The following FMN1 variants were observed in gnomAD, a reference collection of about 807,000 sequenced individuals.
FMN1 encodes the protein formin-1.
A neutral mutation model predicts 132.4 loss-of-function variants in FMN1; 110 were observed. The ratio of observed to expected loss-of-function variants is 0.83; its 90% CI spans 0.71 to 0.97. FMN1 has a LOEUF of 0.97. FMN1 is among the 50% of genes least tolerant of loss of function. The probability of loss-of-function intolerance (pLI) is 0.00; values close to 1 mark genes in which losing one functional copy is unlikely to be tolerated. For missense variants in FMN1, 1,792 were observed against 1,705.3 expected, an observed-to-expected ratio of 1.05 and a Z score of -0.90; for synonymous variants, 722 against 651.7, an observed-to-expected ratio of 1.11 and a Z score of -1.64.
intron 9 of FMN1, among the ~76,000 whole-genome samples, chr15:32,958,371 T>C (rs200049581): frequency 6.6e-6 from 1 of 152,192 alleles, no homozygotes; most frequent in Non-Finnish European, 1.5e-5. Flanking sequence ...TGAACAAGTG[T>C]TCATCATCAT....
At chr15:33,044,635 G>C (rs1287217877) in intron 6 of FMN1, among the ~76,000 whole-genome samples, 5 of 152,064 alleles carry the variant, frequency 3.3e-5, no homozygotes, top group South Asian at 4.2e-4. Context: ...AAAGGGATGA[G>C]AGGATGACCA....
At chr15:33,054,969 C>G (rs951161015) in intron 6 of FMN1, among the ~76,000 whole-genome samples, 1 of 152,152 alleles carries the variant, frequency 6.6e-6, no homozygotes, top group Non-Finnish European at 1.5e-5. Context: ...TTGAAGCCCT[C>G]CAACCCCTGC....
At chr15:33,044,448 G>A (rs76943586) in intron 6 of FMN1, among the ~76,000 whole-genome samples, 1,683 of 152,146 alleles carry the variant, frequency 0.011, 42 homozygotes, top group African/African-American at 0.039. Flanking sequence ...CCTCTCCTCC[G>A]AAGCCCATAA....
Position 32,804,265 on chromosome 15 carries a change from A to T in FMN1, c.3980+16T>A. 6.4e-7 allele frequency: 1 copy of T among 1,555,258 alleles called. No homozygotes were observed. ...CTAGTCAAAGAAAGAACTGGGGCCA[A>T]ATCAGAGCTGCTTACCTTTTCTGTG... On this transcript the variant is annotated intron_variant, in intron 18 of 20. Transcript: ENST00000616417.
chr15:32,995,465 T>C (rs2033709343), intron 7 of FMN1, among the ~76,000 whole-genome samples: 1 of 152,156 alleles, frequency 6.6e-6, no homozygotes, highest in African/African-American at 2.4e-5. Context: ...AATTCTGTTT[T>C]CCCAAATAAA....
chr15:32,815,366 A>G (rs1258794), intron 17 of FMN1, among the ~76,000 whole-genome samples: 36,146 of 152,040 alleles, frequency 0.24, 4,479 homozygotes, highest in African/African-American at 0.27. Flanking sequence ...ACCTCATGTT[A>G]ATTTTTTTTA....
At chr15:32,803,939 T>C (rs1036962147) in intron 18 of FMN1, among the ~76,000 whole-genome samples, 13 of 152,184 alleles carry the variant, frequency 8.5e-5, no homozygotes, top group African/African-American at 3.1e-4. Flanking sequence ...AGCTTATTGC[T>C]TATGGATGCA....
At chr15:33,066,791 G>T in intron 5 of FMN1, 1 of 1,613,914 alleles carries the variant, frequency 6.2e-7, no homozygotes, top group East Asian at 2.2e-5. Context: ...TCTCCTGGGC[G>T]ACTCAGGGTC....
Position 33,153,906 on chromosome 15 carries a change from A to G in FMN1, c.1009T>C (p.Ser337Pro). 6.5e-7 allele frequency: 1 copy of G among 1,536,726 alleles called. No homozygotes were observed. Among genetic ancestry groups the G allele is most frequent in the East Asian group, 2.4e-5 (1 of 40,912 alleles). ...TTAACTACTCTTTGTACCTGGGAGG[A>G]CAGGTCCTGAACTTTGGCCACCACT... ...SKVVAKVQDL[S>P]SQVQRVVKTH... Residue 337 changes from serine (S) to proline (P), a missense_variant, in exon 4 of 21, where the codon TCC becomes CCC. Around this residue, in one of 3 missense-constraint regions of FMN1, gnomAD observed 638 missense variants for 645.2 expected, o/e 0.99. Coordinates refer to ENST00000616417, the MANE Select transcript of FMN1 (RefSeq NM_001277313.2).
rs114391913 is a variant in FMN1 at position 33,139,738 on chromosome 15, G to A, written c.1867+13310C>T. On this transcript the variant is annotated intron_variant, in intron 4 of 20. Transcript: ENST00000616417. ...GAGAGCATCAAAATTCAAGTCAGAA[G>A]ATCCGGCATATTCCACCAATAGACA... Among the ~76,000 whole-genome samples the A allele has an allele frequency of 4.5e-3, 689 of 152,280 alleles. 3 individuals carry two copies. Among genetic ancestry groups the A allele is most frequent in the African/African-American group, 0.016 (648 of 41,560 alleles).
intron 3 of FMN1, among the ~76,000 whole-genome samples, chr15:33,161,120 T>G (rs1206393596): frequency 6.6e-6 from 1 of 152,242 alleles, no homozygotes; most frequent in East Asian, 1.9e-4. Context: ...TGGCACAGTC[T>G]TTCCCTGTGA....
chr15:33,011,592 T>A (rs2034726300), intron 6 of FMN1, among the ~76,000 whole-genome samples: 1 of 152,102 alleles, frequency 6.6e-6, no homozygotes, highest in Non-Finnish European at 1.5e-5. Flanking sequence ...TACATTAAAA[T>A]TAAGAACTTA....
chr15:33,153,639 C>G lies in FMN1; in HGVS notation c.1276G>C (p.Glu426Gln), dbSNP rs1964542669. The G allele has an allele frequency of 6.5e-7, 1 of 1,536,206 alleles. No homozygotes were observed. The highest frequency in any genetic ancestry group is 1.4e-5 in the African/African-American group (1 of 73,058). ...AVNKVPLKVI[E>Q]SEKLDEAPEG... ...GGGGCTTCATCTAACTTCTCACTCT[C>G]TATCACCTTCAGGGGGACCTTGTTC... is the stretch of plus-strand genomic sequence containing the variant. The change falls in exon 4 of 21, where the codon GAG becomes CAG. Residue 426 changes from glutamate (E) to glutamine (Q), a missense_variant. Transcript: ENST00000616417.
Position 32,969,382 on chromosome 15 carries a change from T to C in FMN1, c.2319A>G (p.Leu773=), listed in dbSNP as rs767464393. 95 of 1,613,884 alleles carry C rather than the reference T, an allele frequency of 5.9e-5. No homozygotes were observed. The highest frequency in any genetic ancestry group is 6.7e-5 in the Non-Finnish European group (79 of 1,179,906). ...CACAACCCCCTCGCCATCTGTGTTC[T>C]AGCTCGTGTTTCAGATTTTCAATGG... ...EETIENLKHE[L]EHRWRGGCEE... The change falls in exon 8 of 21, where the codon CTA becomes CTG. Residue 773 remains leucine, a synonymous_variant. Transcript: ENST00000616417.
intron 4 of FMN1, among the ~76,000 whole-genome samples, chr15:33,145,021 G>T (rs569682973): frequency 6.6e-6 from 1 of 152,226 alleles, no homozygotes; most frequent in Non-Finnish European, 1.5e-5. Context: ...GCAATCAGGG[G>T]AGTAATAACA....
At chr15:33,162,380 A>G (rs1043127287) in intron 3 of FMN1, among the ~76,000 whole-genome samples, 2 of 152,088 alleles carry the variant, frequency 1.3e-5, no homozygotes, top group Non-Finnish European at 2.9e-5. Flanking sequence ...TACAATACAC[A>G]GCAGAAAGAG....
chr15:32,865,177 CA>C (rs1468318273), intron 16 of FMN1, among the ~76,000 whole-genome samples: 1 of 152,000 alleles, frequency 6.6e-6, no homozygotes, highest in Non-Finnish European at 1.5e-5. Context: ...ATAAAAATTT[CA>C]AAAAATTGAT....
intron 16 of FMN1, among the ~76,000 whole-genome samples, chr15:32,880,392 A>G (rs142505544): frequency 3.2e-4 from 48 of 152,296 alleles, no homozygotes; most frequent in African/African-American, 1.1e-3. Flanking sequence ...ACGTTCAGAT[A>G]TATTAGATGT....
intron 6 of FMN1, among the ~76,000 whole-genome samples, chr15:33,040,199 G>C (rs2036366357): frequency 6.6e-6 from 1 of 152,130 alleles, no homozygotes; most frequent in South Asian, 2.1e-4. Context: ...GCCTCTATCT[G>C]ACTTACTCAA....
Sources: allele counts gnomAD v4.1 joint callset (sites outside exome capture counted in the v4.1 genomes callset), GRCh38; gene constraint gnomAD v4.1.1; regional missense constraint gnomAD v4.1.1; transcripts MANE v1.5; gene names NCBI Gene and HGNC (gene_info 2026-07-23, HGNC 2026-07-21).